TMC5: variants seen among roughly 807,000 people sequenced by gnomAD.
TMC5 encodes transmembrane channel like 5.
In TMC5, 86 loss-of-function variants were observed where a neutral mutation model predicts 110.5. The ratio of observed to expected loss-of-function variants is 0.78; its 90% confidence interval spans 0.65 to 0.93. The LOEUF is 0.93. TMC5 is among the 40% of genes least tolerant of loss of function. The pLI is 0.00. For missense variants in TMC5, 1,144 were observed against 1,222.8 expected, an observed-to-expected ratio of 0.94 and a Z score of 0.96; for synonymous variants, 455 against 439.5, an observed-to-expected ratio of 1.04 and a Z score of -0.44.
In TMC5 at chr16:19,494,361, G is replaced by A. The variant is rs945812754; in HGVS notation, c.2926G>A (p.Val976Met). ...PSSLVLERREVEQQGFLHLGE... is the reference protein window; with the variant it reads ...PSSLVLERREMEQQGFLHLGE... ...CTCACTTGTTCTGGAAAGGAGAGAGGTGGAGGTGAGTCTGGAGGCTGCCTT... is the reference window on the plus strand; with the variant it reads ...CTCACTTGTTCTGGAAAGGAGAGAGATGGAGGTGAGTCTGGAGGCTGCCTT... Residue 976 changes from valine to methionine, a missense_variant, in exon 20 of 22, where the codon GTG (valine) becomes ATG (methionine). Transcript: ENST00000542583. The A allele has an allele frequency of 1.2e-6, 2 of 1,613,074 alleles. No individual in the cohort carries two copies. The highest frequency in any genetic ancestry group is 1.7e-5 in the Admixed American group (1 of 59,902).
At chr16:19,423,095 C>T (rs1159995621) in intron 1 of TMC5, among the ~76,000 whole-genome samples, 2 of 152,154 alleles carry the variant, frequency 1.3e-5, no homozygotes, top group African/African-American at 4.8e-5. Flanking sequence ...CTGCACTTAC[C>T]CCTTCTCCTT....
chr16:19,426,954 G>A (rs2143386923), intron 1 of TMC5, among the ~76,000 whole-genome samples: 1 of 152,196 alleles, frequency 6.6e-6, no homozygotes, highest in Non-Finnish European at 1.5e-5. Flanking sequence ...TCTGGGAATG[G>A]GACCTGGGCT....
At chr16:19,490,309 C>T (rs1395859939) in intron 17 of TMC5, 86 bp from the exon 18 acceptor site, 31 of 1,362,314 alleles carry the variant, frequency 2.3e-5, no homozygotes, top group Admixed American at 9.2e-5. Context: ...GTTTTCAGGC[C>T]CAGAGCCCAG....
At chr16:19,460,399 C>G in intron 6 of TMC5, 65 bp downstream of exon 6, 1 of 1,169,796 alleles carries the variant, frequency 8.5e-7, no homozygotes, top group Admixed American at 2.3e-5. Flanking sequence ...TACTTTTGCC[C>G]CATCTCAAAA....
Position 19,469,815 on chromosome 16 carries a change from C to T in TMC5, c.1772C>T (p.Thr591Ile), listed in dbSNP as rs1241837677. 6 of 1,614,062 alleles carry T rather than the reference C, an allele frequency of 3.7e-6. No homozygotes were observed. The highest frequency in any genetic ancestry group is 5.1e-6 in the Non-Finnish European group (6 of 1,179,964). The change falls in exon 10 of 22, where the codon ACT becomes ATT. Residue 591 changes from threonine to isoleucine, a missense_variant. Transcript: ENST00000542583. The stretch of plus-strand genomic sequence containing the variant: ...AAGCTAAAACAGAAGAATCTTAGCA[C>T]TGAGATAAGGGTAAGGCGAGCTCAC... ...AVKLKQKNLS[T>I]EIRENLSELR...
intron 4 of TMC5, among the ~76,000 whole-genome samples, chr16:19,448,190 G>GTGCAGT (rs201761992): frequency 0.071 from 10,594 of 150,248 alleles, 771 homozygotes; most frequent in African/African-American, 0.19. Context: ...GTAAGGCTAT[G>GTGCAGT]TTAGAGTGCA....
chr16:19,431,323 C>T (rs1239298387), intron 2 of TMC5, among the ~76,000 whole-genome samples: 1 of 151,992 alleles, frequency 6.6e-6, no homozygotes, highest in Non-Finnish European at 1.5e-5. Context: ...GGTGGATTGC[C>T]TGAGGTCAGG....
intron 15 of TMC5, among the ~76,000 whole-genome samples, chr16:19,482,182 C>G (rs976464414): frequency 2.0e-5 from 3 of 152,178 alleles, no homozygotes; most frequent in African/African-American, 4.8e-5. Flanking sequence ...GCCTGTCTCC[C>G]AAGTAGCTGG....
At chr16:19,424,210 T>G (rs1967043576) in intron 1 of TMC5, among the ~76,000 whole-genome samples, 2 of 152,174 alleles carry the variant, frequency 1.3e-5, no homozygotes, top group African/African-American at 4.8e-5. Flanking sequence ...AAGTAGAAGT[T>G]TTTGTGACTT....
At chr16:19,492,677 C>G (rs1267033715) in intron 19 of TMC5, among the ~76,000 whole-genome samples, 1 of 151,698 alleles carries the variant, frequency 6.6e-6, no homozygotes, top group African/African-American at 2.4e-5. Context: ...AACTGCTGAC[C>G]TCAGGTGATC....
intron 2 of TMC5, among the ~76,000 whole-genome samples, chr16:19,437,694 C>T (rs1967378676): frequency 6.6e-6 from 1 of 152,134 alleles, no homozygotes; most frequent in Admixed American, 6.5e-5. Context: ...TAGAGATATG[C>T]TTGACTTTTA....
intron 10 of TMC5, among the ~76,000 whole-genome samples, chr16:19,471,513 C>T (rs72785319): frequency 0.043 from 6,501 of 152,214 alleles, 272 homozygotes; most frequent in African/African-American, 0.11. Flanking sequence ...AACATGGTCC[C>T]GATCTATTAA....
chr16:19,473,512 C>CT, intron 11 of TMC5, among the ~76,000 whole-genome samples: 1 of 152,158 alleles, frequency 6.6e-6, no homozygotes, highest in East Asian at 1.9e-4. Flanking sequence ...CCCTGGGCAT[C>CT]TTGGTAAAAA....
intron 18 of TMC5, among the ~76,000 whole-genome samples, chr16:19,491,518 C>G (rs906369628): frequency 6.8e-6 from 1 of 147,514 alleles, no homozygotes; most frequent in Non-Finnish European, 1.5e-5. Flanking sequence ...TATATACTAT[C>G]TTCTTGTCTT....
chr16:19,492,637 G>T (rs918943178), intron 19 of TMC5, among the ~76,000 whole-genome samples: 2 of 151,794 alleles, frequency 1.3e-5, no homozygotes, highest in Non-Finnish European at 2.9e-5. Context: ...GTGGAGACAG[G>T]GTTTCACCAT....
chr16:19,461,262 T>A (rs1368173506), intron 6 of TMC5, among the ~76,000 whole-genome samples: 2 of 152,134 alleles, frequency 1.3e-5, no homozygotes, highest in African/African-American at 4.8e-5. Flanking sequence ...CAAACTATGA[T>A]AAATAAAATC....
chr16:19,484,821 T>A lies in TMC5; in HGVS notation c.2364-2124T>A, dbSNP rs547723616. ...ATTATGACTTCTGGGCCTTTGAGAT[T>A]TTTGTTGATAAATCATGAATAAGCA... On this transcript the variant is annotated intron_variant, in intron 15 of 21. Transcript: ENST00000542583. Among the ~76,000 whole-genome samples the A allele has an allele frequency of 4.0e-5, 6 of 151,476 alleles. No individual in the cohort carries two copies. The East Asian group carries it at 5.8e-4, about 15-fold the overall frequency.
chr16:19,487,473 G>T (rs142672055), intron 17 of TMC5, 147 bp downstream of exon 17: 39 of 1,092,846 alleles, frequency 3.6e-5, no homozygotes, highest in African/African-American at 6.4e-5. Context: ...AGGCCAAGGC[G>T]GGTGGATCAC....
At chr16:19,428,758 AAAAC>A (rs998659219) in intron 1 of TMC5, among the ~76,000 whole-genome samples, 9 of 152,264 alleles carry the variant, frequency 5.9e-5, no homozygotes, top group Admixed American at 1.3e-4. Flanking sequence ...TAAAGAAGGG[AAAAC>A]AAACAAACAA....
Sources: allele counts gnomAD v4.1 joint callset (sites outside exome capture counted in the v4.1 genomes callset), GRCh38; gene constraint gnomAD v4.1.1; transcripts MANE v1.5; gene names NCBI Gene and HGNC (gene_info 2026-07-23, HGNC 2026-07-21).